SLC23A2: variants seen among roughly 807,000 people sequenced by gnomAD.
The protein encoded by SLC23A2 is solute carrier family 23 member 2, also known as Na(+)/L-ascorbic acid transporter 2.
A neutral mutation model predicts 73.3 loss-of-function variants in SLC23A2; 36 were observed. That is an observed-to-expected ratio of 0.49 (90% CI 0.38 to 0.65). SLC23A2 has a LOEUF of 0.65. SLC23A2 is among the 30% of genes least tolerant of loss of function. SLC23A2 has a pLI of 0.00. For synonymous variants in SLC23A2, 343 were observed against 327.3 expected (o/e 1.05, Z -0.52); for missense variants, 507 against 841.6 (o/e 0.60, Z 4.92).
chr20:5,001,162 C>T (rs1372270925), intron 1 of SLC23A2, among the ~76,000 whole-genome samples: 1 of 150,484 alleles, frequency 6.6e-6, no homozygotes, highest in Non-Finnish European at 1.5e-5. Context: ...CCGGCCCGGC[C>T]GGCAGAACGG....
intron 6 of SLC23A2, among the ~76,000 whole-genome samples, chr20:4,892,333 C>A (rs1241641225): frequency 2.0e-5 from 3 of 151,988 alleles, no homozygotes; most frequent in Non-Finnish European, 4.4e-5. Context: ...GATATAGGCA[C>A]CCACCACCAT....
At chr20:4,938,725 A>G (rs1368897009) in intron 2 of SLC23A2, among the ~76,000 whole-genome samples, 2 of 152,170 alleles carry the variant, frequency 1.3e-5, no homozygotes, top group African/African-American at 2.4e-5. Flanking sequence ...CCTAATTTAG[A>G]GTGACACCCA....
chr20:4,873,047 G>A (rs559392915), intron 11 of SLC23A2, among the ~76,000 whole-genome samples: 8 of 152,246 alleles, frequency 5.3e-5, no homozygotes, highest in African/African-American at 1.9e-4. Context: ...GTCCCGCCGC[G>A]CCCGGCCTGA....
At chr20:4,912,130 C>T (rs534144515) in intron 4 of SLC23A2, among the ~76,000 whole-genome samples, 2 of 152,018 alleles carry the variant, frequency 1.3e-5, no homozygotes, top group Non-Finnish European at 2.9e-5. Context: ...TAGGTGTGAG[C>T]CACTGAGCCC....
In SLC23A2 at chr20:4,972,015, C is replaced by A. The variant is rs72552242; in HGVS notation, c.-281-1096G>T. Among the ~76,000 whole-genome samples the A allele has an allele frequency of 4.7e-3, 712 of 152,234 alleles. 5 individuals are homozygous for A. The highest frequency in any genetic ancestry group is 0.016 in the African/African-American group (681 of 41,546). ...GATATGAGCAGGTACACAGATGTTT[C>A]TTTTACTATTTATTAAACGGCTATG... On this transcript the variant is annotated intron_variant, in intron 1 of 16. Transcript: ENST00000338244.
At chr20:4,861,783 G>T (rs1023129157) in intron 15 of SLC23A2, among the ~76,000 whole-genome samples, 165 bp downstream of exon 15, 1 of 152,130 alleles carries the variant, frequency 6.6e-6, no homozygotes, top group Non-Finnish European at 1.5e-5. Flanking sequence ...AGCCCACAGC[G>T]CTTCCAGGTA....
exon 1 of SLC23A2, chr20:5,010,293 G>A (rs944228159): frequency 1.3e-5 from 2 of 152,226 alleles, no homozygotes; most frequent in Admixed American, 1.3e-4. Flanking sequence ...GAAGATGAAT[G>A]GCCCTGCTCC....
chr20:4,860,718 T>C (rs1929928554), intron 15 of SLC23A2, among the ~76,000 whole-genome samples: 1 of 152,188 alleles, frequency 6.6e-6, no homozygotes, highest in Non-Finnish European at 1.5e-5. Context: ...TTATGGTATA[T>C]ACACACAAAG....
intron 1 of SLC23A2, among the ~76,000 whole-genome samples, chr20:4,991,730 AC>A (rs2087927611): frequency 3.5e-5 from 5 of 143,080 alleles, no homozygotes; most frequent in Non-Finnish European, 6.1e-5. Context: ...TCACACACAC[AC>A]ACACACACAC....
chr20:4,964,554 T>C (rs1224969955), intron 2 of SLC23A2, among the ~76,000 whole-genome samples: 1 of 152,038 alleles, frequency 6.6e-6, no homozygotes, highest in African/African-American at 2.4e-5. Flanking sequence ...ATTACAGAGA[T>C]TAAAACATGG....
intron 1 of SLC23A2, among the ~76,000 whole-genome samples, chr20:4,995,011 G>C (rs962515450): frequency 6.6e-6 from 1 of 152,080 alleles, no homozygotes; most frequent in Non-Finnish European, 1.5e-5. Flanking sequence ...CAGTGCTTTC[G>C]GTCTGAAGCA....
In SLC23A2 at chr20:4,995,315, C is replaced by T. The variant is rs535852911; in HGVS notation, c.-282+6091G>A. ...CAAACAAGGCAGGAGCAAGAGGAGA[C>T]GGTCCTGCTCCCATTCAGCCTCAGC... On this transcript the variant is annotated intron_variant, in intron 1 of 16. Transcript: ENST00000338244. 5.3e-5 allele frequency among the ~76,000 whole-genome samples: 8 copies of T among 152,262 alleles called. No homozygotes were observed. The South Asian group carries it at 8.3e-4, about 16-fold the overall frequency.
intron 1 of SLC23A2, among the ~76,000 whole-genome samples, chr20:4,978,397 C>T (rs1182582554): frequency 6.6e-6 from 1 of 152,172 alleles, no homozygotes; most frequent in Non-Finnish European, 1.5e-5. Flanking sequence ...GGAGTGATCA[C>T]GATTAGATAA....
intron 1 of SLC23A2, among the ~76,000 whole-genome samples, chr20:5,000,926 GC>G (rs796303524): frequency 1.3e-5 from 2 of 152,268 alleles, no homozygotes; most frequent in African/African-American, 4.8e-5. Flanking sequence ...CCCTCTTGCC[GC>G]CCCTCCTGAT....
In SLC23A2 at chr20:4,990,430, C is replaced by G. The variant is rs2087906630; in HGVS notation, c.-282+10976G>C. 2.6e-5 allele frequency among the ~76,000 whole-genome samples: 4 copies of G among 151,854 alleles called. No individual in the cohort carries two copies. In the South Asian group the frequency reaches 8.3e-4, roughly 32 times the overall value. On this transcript the variant is annotated intron_variant, in intron 1 of 16. Transcript: ENST00000338244. ...AGTGGCCTGGGCTGAAATGCAGTGGCGCGATCTCGACTCACTGCAACCTCC... is the reference window on the plus strand; with the variant it reads ...AGTGGCCTGGGCTGAAATGCAGTGGGGCGATCTCGACTCACTGCAACCTCC...
At chr20:4,874,471 T>C in intron 10 of SLC23A2, 105 bp downstream of exon 10, 1 of 1,052,798 alleles carries the variant, frequency 9.5e-7, no homozygotes, top group Non-Finnish European at 1.4e-6. Context: ...ACTGCACAGA[T>C]ATGATCCCCC....
At chr20:5,006,051 T>C (rs1300991603), upstream of SLC23A2, among the ~76,000 whole-genome samples, 33 of 152,184 alleles carry the variant, frequency 2.2e-4, no homozygotes, top group Admixed American at 2.2e-3. Context: ...TTCTTATTGA[T>C]GAAATTCAAA....
chr20:4,941,305 G>A (rs1210471164), intron 2 of SLC23A2, among the ~76,000 whole-genome samples: 5 of 152,124 alleles, frequency 3.3e-5, no homozygotes, highest in African/African-American at 2.4e-5. Flanking sequence ...AGAGTGGGAC[G>A]ATTGCTTGAG....
intron 1 of SLC23A2, among the ~76,000 whole-genome samples, chr20:5,009,818 A>AG (rs1301592444): frequency 6.6e-6 from 1 of 152,208 alleles, no homozygotes; most frequent in Non-Finnish European, 1.5e-5. Context: ...GATATGGGCC[A>AG]GGCGCGGTGG....
Sources: allele counts gnomAD v4.1 joint callset (sites outside exome capture counted in the v4.1 genomes callset), GRCh38; gene constraint gnomAD v4.1.1; transcripts MANE v1.5; gene names NCBI Gene and HGNC (gene_info 2026-07-23, HGNC 2026-07-21).